Variants in PRICKLE1 observed in about 807,000 individuals in gnomAD.
PRICKLE1 encodes prickle-like protein 1.
In PRICKLE1, 14 loss-of-function variants were observed where a neutral mutation model predicts 70.2. The ratio of observed to expected loss-of-function variants is 0.20; its 90% CI spans 0.13 to 0.31. The LOEUF (loss-of-function observed/expected upper bound fraction) is 0.31, where lower values mean the gene tolerates loss of function less well. PRICKLE1 is among the 10% of genes least tolerant of loss of function. The probability of loss-of-function intolerance (pLI) is 1.00; values close to 1 mark genes in which losing one functional copy is unlikely to be tolerated. For synonymous variants in PRICKLE1, 357 were observed against 379.9 expected (o/e 0.94, Z 0.70); for missense variants, 821 against 1,026.2 (o/e 0.80, Z 2.73).
chr12:42,469,708 C>T (rs1250370442), intron 3 of PRICKLE1, 121 bp from the exon 4 acceptor site: 1 of 1,277,348 alleles, frequency 7.8e-7, no homozygotes, highest in East Asian at 2.4e-5. Flanking sequence ...TGTGTCACAC[C>T]CCCACGATTT....
chr12:42,512,315 T>C (rs968562731), intron 1 of PRICKLE1, among the ~76,000 whole-genome samples: 2 of 150,198 alleles, frequency 1.3e-5, no homozygotes, highest in Non-Finnish European at 1.5e-5. Context: ...GGACTACAGG[T>C]GTGCGGCACC....
At chr12:42,490,366 G>C (rs1939076995) in intron 1 of PRICKLE1, among the ~76,000 whole-genome samples, 1 of 152,224 alleles carries the variant, frequency 6.6e-6, no homozygotes, top group Admixed American at 6.5e-5. Flanking sequence ...TGGAACACAG[G>C]AGGGAGAGGC....
At chr12:42,549,718 C>G (rs1451199117) in intron 1 of PRICKLE1, among the ~76,000 whole-genome samples, 1 of 152,214 alleles carries the variant, frequency 6.6e-6, no homozygotes, top group Non-Finnish European at 1.5e-5. Flanking sequence ...ATACACCACA[C>G]TGCTGCCACA....
rs781459043 is a variant in PRICKLE1 at position 42,464,948 on chromosome 12, G to A, written c.1086C>T (p.Gly362=). The A allele has an allele frequency of 6.2e-7, 1 of 1,614,128 alleles. No individual in the cohort carries two copies. The highest frequency in any genetic ancestry group is 8.5e-7 in the Non-Finnish European group (1 of 1,180,012). Residue 362 remains glycine, a synonymous_variant, in exon 7 of 8, where the codon GGC becomes GGT. Coordinates refer to ENST00000345127, the MANE Select transcript of PRICKLE1 (RefSeq NM_153026.3). The surrounding 1 kb of genome is among the most constrained non-coding windows in gnomAD (Gnocchi z 4.2). Reference sequence around the variant, plus strand: ...GGGTGTCATCAGCATTGCCTGAGAGGCCAGGAAACTTGTAGTTCAGAGCAG... The same window carrying A: ...GGGTGTCATCAGCATTGCCTGAGAGACCAGGAAACTTGTAGTTCAGAGCAG... The part of the protein sequence containing the change: ...LSPALNYKFP[G]LSGNADDTLS...
intron 1 of PRICKLE1, among the ~76,000 whole-genome samples, chr12:42,561,906 T>TTTTTTTTTTTTTTTTTTTTTTTC (rs1940521915): frequency 1.3e-4 from 1 of 7,808 alleles, no homozygotes; most frequent in South Asian, 0.015. Context: ...TTTTCTTTTC[T>TTTTTTTTTTTTTTTTTTTTTTTC]TTTTTTTTTT....
chr12:42,567,116 T>C (rs1469675883), intron 1 of PRICKLE1, among the ~76,000 whole-genome samples: 3 of 152,318 alleles, frequency 2.0e-5, no homozygotes, highest in East Asian at 1.9e-4. Flanking sequence ...TAAAGCTCCT[T>C]ACGCCAAGTA....
chr12:42,470,290 G>T lies in PRICKLE1; in HGVS notation c.202C>A (p.Arg68=), dbSNP rs1305368228. The change falls in exon 3 of 8, where the codon CGG becomes AGG. Residue 68 remains arginine (R), a synonymous_variant. Coordinates refer to ENST00000345127, the MANE Select transcript of PRICKLE1 (RefSeq NM_153026.3). ...AACTGGTACAAAAGCTGTTTAATCC[G>T]ATGCTTCTCTCCGGGGCTGTTAACG... ...PYVNSPGEKH[R]IKQLLYQLPP... is the part of the protein sequence containing the mutation. 6.2e-7 allele frequency: 1 copy of T among 1,613,896 alleles called. No individual in the cohort carries two copies. Among genetic ancestry groups the T allele is most frequent in the Admixed American group, 1.7e-5 (1 of 60,016 alleles).
At chr12:42,519,850 C>A (rs551250643) in intron 1 of PRICKLE1, among the ~76,000 whole-genome samples, 1 of 152,276 alleles carries the variant, frequency 6.6e-6, no homozygotes, top group African/African-American at 2.4e-5. Flanking sequence ...TTCTGTAGCC[C>A]AGGCTGGAGT....
chr12:42,551,139 C>T (rs925017635), intron 1 of PRICKLE1, among the ~76,000 whole-genome samples: 2 of 152,182 alleles, frequency 1.3e-5, no homozygotes, highest in South Asian at 2.1e-4. Flanking sequence ...GATCAGCTAA[C>T]TCTTTTTAAA....
At chr12:42,548,133 G>A (rs1940245693) in intron 1 of PRICKLE1, among the ~76,000 whole-genome samples, 1 of 151,982 alleles carries the variant, frequency 6.6e-6, no homozygotes, top group Non-Finnish European at 1.5e-5. Flanking sequence ...AGATTCTCCT[G>A]CCTCAGCCTC....
chr12:42,545,921 G>A (rs1287254235), intron 1 of PRICKLE1, among the ~76,000 whole-genome samples: 1 of 149,836 alleles, frequency 6.7e-6, no homozygotes, highest in African/African-American at 2.4e-5. Flanking sequence ...TGGAAGGAGG[G>A]AGATTCTTGA....
intron 1 of PRICKLE1, among the ~76,000 whole-genome samples, chr12:42,576,711 A>G (rs1225902910): frequency 1.3e-5 from 2 of 152,104 alleles, no homozygotes; most frequent in African/African-American, 4.8e-5. Context: ...CAATTCAAAA[A>G]CTTAATCTCA....
chr12:42,514,716 C>T (rs1005521076), intron 1 of PRICKLE1, among the ~76,000 whole-genome samples: 50 of 152,008 alleles, frequency 3.3e-4, no homozygotes, highest in Non-Finnish European at 4.4e-5. Flanking sequence ...TACAATTATA[C>T]AAGCACATCG....
intron 1 of PRICKLE1, among the ~76,000 whole-genome samples, chr12:42,542,141 C>A (rs1940129018): frequency 6.6e-6 from 1 of 152,178 alleles, no homozygotes; most frequent in Admixed American, 6.5e-5. Flanking sequence ...CCTCATCACT[C>A]TACGAACAGG....
intron 1 of PRICKLE1, among the ~76,000 whole-genome samples, chr12:42,556,873 C>T (rs1346240668): frequency 6.6e-6 from 1 of 152,166 alleles, no homozygotes; most frequent in Non-Finnish European, 1.5e-5. Flanking sequence ...TTTCTGAGCA[C>T]CTACAATGTG....
intron 1 of PRICKLE1, among the ~76,000 whole-genome samples, chr12:42,564,507 C>T (rs1940589683): frequency 6.6e-6 from 1 of 151,988 alleles, no homozygotes; most frequent in Non-Finnish European, 1.5e-5. Flanking sequence ...ACTCAGGAGG[C>T]TGAGGCAGGA....
At chr12:42,550,920 C>T (rs1250179281) in intron 1 of PRICKLE1, among the ~76,000 whole-genome samples, 1 of 152,182 alleles carries the variant, frequency 6.6e-6, no homozygotes, top group Non-Finnish European at 1.5e-5. Flanking sequence ...AAATCCTCAA[C>T]TTTTGAGTGT....
At position 42,581,746 on chromosome 12, in the gene PRICKLE1, C is replaced by CAA. The variant is rs71948536; in HGVS notation, c.-49+7717_-49+7718dup. On this transcript the variant is annotated intron_variant, in intron 1 of 7. Transcript: ENST00000345127. ...TGGGTGACAGAAGGAGACTCCATCTCAAAAAAAAAAAAAAAGTTATGGAAC... is the reference window on the plus strand; with the variant it reads ...TGGGTGACAGAAGGAGACTCCATCTCAAAAAAAAAAAAAAAAAGTTATGGAAC... 9.1e-3 allele frequency among the ~76,000 whole-genome samples: 1,001 copies of CAA among 109,730 alleles called. 12 individuals carry two copies. The highest frequency in any genetic ancestry group is 0.032 in the African/African-American group (909 of 28,674). The allele number at this position is 109,730 out of a possible 152,430, so 72.0% of individuals were successfully genotyped here.
At chr12:42,588,011 C>T (rs1329649681) in intron 1 of PRICKLE1, among the ~76,000 whole-genome samples, 1 of 151,886 alleles carries the variant, frequency 6.6e-6, no homozygotes, top group Non-Finnish European at 1.5e-5. Flanking sequence ...AACAAGGCTG[C>T]CGGCTCCCAA....
Sources: allele counts gnomAD v4.1 joint callset (sites outside exome capture counted in the v4.1 genomes callset), GRCh38; gene constraint gnomAD v4.1.1; non-coding constraint Gnocchi (gnomAD v3.1); transcripts MANE v1.5; gene names NCBI Gene and HGNC (gene_info 2026-07-23, HGNC 2026-07-21).